The following GALNT18 variants were observed in gnomAD, a reference collection of about 807,000 sequenced individuals.
GALNT18 encodes the protein GalNAc-transferase 18.
Under a neutral mutation model 69.5 loss-of-function variants are expected in GALNT18, and 44 were observed. The ratio of observed to expected loss-of-function variants is 0.63; its 90% CI spans 0.50 to 0.81. The LOEUF (loss-of-function observed/expected upper bound fraction) is 0.81, where lower values mean the gene tolerates loss of function less well. GALNT18 is among the 40% of genes least tolerant of loss of function. The probability of loss-of-function intolerance (pLI) is 0.00; values close to 1 mark genes in which losing one functional copy is unlikely to be tolerated. For synonymous variants in GALNT18, 364 were observed against 318.2 expected, an observed-to-expected ratio of 1.14 and a Z score of -1.53; for missense variants, 715 against 810.0, an observed-to-expected ratio of 0.88 and a Z score of 1.42.
chr11:11,445,947 CA>C (rs752852499), intron 2 of GALNT18, among the ~76,000 whole-genome samples: 6 of 152,166 alleles, frequency 3.9e-5, no homozygotes, highest in Non-Finnish European at 7.3e-5. Context: ...CTCTCTCAGG[CA>C]AATTCCTCCC....
intron 1 of GALNT18, among the ~76,000 whole-genome samples, chr11:11,514,534 T>G (rs995305091): frequency 6.6e-6 from 1 of 152,188 alleles, no homozygotes; most frequent in African/African-American, 2.4e-5. Flanking sequence ...ATGTGAAATT[T>G]CACATTTCCC....
At position 11,606,490 on chromosome 11, in the gene GALNT18, A is replaced by T. The variant is rs1179024713; in HGVS notation, c.235+14869T>A. On this transcript the variant is annotated intron_variant, in intron 1 of 10. Transcript: ENST00000227756. The surrounding 1 kb of genome is among the most constrained non-coding windows in gnomAD (Gnocchi z 5.4). Reference sequence around the variant, plus strand: ...TTTTCTCTCTTTTTTCCTCTCCTTGACATAAAATATCTGCCCCTCCTCTAT... The same window carrying T: ...TTTTCTCTCTTTTTTCCTCTCCTTGTCATAAAATATCTGCCCCTCCTCTAT... 6.6e-6 allele frequency among the ~76,000 whole-genome samples: 1 copy of T among 152,152 alleles called. No homozygotes were observed. The highest frequency in any genetic ancestry group is 1.5e-5 in the Non-Finnish European group (1 of 68,022).
intron 1 of GALNT18, among the ~76,000 whole-genome samples, chr11:11,533,868 T>C (rs4243933): frequency 0.98 from 148,953 of 152,330 alleles, 72,888 homozygotes; most frequent in Non-Finnish European, 1. Context: ...TAAACAAAGG[T>C]GACGTGGCAT....
chr11:11,419,483 G>C (rs926849249), intron 3 of GALNT18, among the ~76,000 whole-genome samples: 2 of 150,914 alleles, frequency 1.3e-5, no homozygotes, highest in Non-Finnish European at 2.9e-5. Flanking sequence ...TGTAATCCCA[G>C]CTACTCAGGA....
intron 1 of GALNT18, among the ~76,000 whole-genome samples, chr11:11,490,437 C>A (rs947601659): frequency 6.6e-6 from 1 of 152,102 alleles, no homozygotes; most frequent in Admixed American, 6.5e-5. Context: ...AAGAAAATGC[C>A]TTACCTCCTA....
chr11:11,456,364 G>A (rs985201211), intron 1 of GALNT18, among the ~76,000 whole-genome samples: 1 of 152,184 alleles, frequency 6.6e-6, no homozygotes, highest in African/African-American at 2.4e-5. Context: ...TCTGACTTGA[G>A]GACTGGAGAT....
intron 3 of GALNT18, among the ~76,000 whole-genome samples, chr11:11,384,383 T>G (rs1029095758): frequency 6.6e-6 from 1 of 152,102 alleles, no homozygotes; most frequent in Non-Finnish European, 1.5e-5. Context: ...ACGCTAGCAT[T>G]TGGTGTCTGG....
chr11:11,406,646 G>A (rs1440699224), intron 3 of GALNT18, among the ~76,000 whole-genome samples: 1 of 152,226 alleles, frequency 6.6e-6, no homozygotes, highest in Admixed American at 6.5e-5. Flanking sequence ...GGGTTAAAAT[G>A]CCATACAAGT....
Position 11,421,231 on chromosome 11 carries a change from G to A in GALNT18, c.595+11390C>T, listed in dbSNP as rs1179945688. Among the ~76,000 whole-genome samples, 34 of 152,164 alleles carry A rather than the reference G, an allele frequency of 2.2e-4. No homozygotes were observed. The highest frequency in any genetic ancestry group is 2.2e-3 in the Admixed American group (34 of 15,280). ...CAGCATGTTGGGACCTCAGCAGAGAGGCCGGTGAGAGCAGAGAAGAGGCTG... is the reference window on the plus strand; with the variant it reads ...CAGCATGTTGGGACCTCAGCAGAGAAGCCGGTGAGAGCAGAGAAGAGGCTG... On this transcript the variant is annotated intron_variant, in intron 3 of 10. Coordinates refer to ENST00000227756, the MANE Select transcript of GALNT18 (RefSeq NM_198516.3). This position sits in a 1 kb window ranked among gnomAD's most constrained non-coding sequence, Gnocchi z 5.6.
intron 3 of GALNT18, among the ~76,000 whole-genome samples, chr11:11,398,598 A>T (rs566696961): frequency 6.6e-6 from 1 of 152,324 alleles, no homozygotes; most frequent in Non-Finnish European, 1.5e-5. Context: ...CTAAAAATGA[A>T]CACATACACA....
chr11:11,278,798 G>T (rs1797090610), intron 10 of GALNT18, among the ~76,000 whole-genome samples: 1 of 152,020 alleles, frequency 6.6e-6, no homozygotes, highest in Non-Finnish European at 1.5e-5. Flanking sequence ...ATGCAACAGG[G>T]TAACTATAAT....
At chr11:11,417,009 C>A (rs1356215737) in intron 3 of GALNT18, among the ~76,000 whole-genome samples, 1 of 152,202 alleles carries the variant, frequency 6.6e-6, no homozygotes, top group Non-Finnish European at 1.5e-5. Flanking sequence ...GCCTGGTCGG[C>A]TTTCTCAGGC....
Position 11,619,945 on chromosome 11 carries a change from T to G in GALNT18, c.235+1414A>C, listed in dbSNP as rs1860146417. ...TTTGAAGTCATTAGTCAGGAAGCAC[T>G]ATGGATGTGGATGCCTCTCCTGCAC... On this transcript the variant is annotated intron_variant, in intron 1 of 10. Coordinates refer to ENST00000227756, the MANE Select transcript of GALNT18 (RefSeq NM_198516.3). The surrounding 1 kb of genome is among the most constrained non-coding windows in gnomAD (Gnocchi z 4.9). Among the ~76,000 whole-genome samples the G allele has an allele frequency of 6.6e-6, 1 of 152,154 alleles. No homozygotes were observed. The highest frequency in any genetic ancestry group is 1.5e-5 in the Non-Finnish European group (1 of 68,028).
intron 7 of GALNT18, among the ~76,000 whole-genome samples, chr11:11,333,716 C>T (rs968417873): frequency 3.3e-5 from 5 of 152,032 alleles, no homozygotes; most frequent in East Asian, 1.9e-4. Flanking sequence ...TGAGCCACCA[C>T]GGTGCAGCAG....
chr11:11,414,979 G>A (rs1020705081), intron 3 of GALNT18, among the ~76,000 whole-genome samples: 4 of 152,168 alleles, frequency 2.6e-5, no homozygotes, highest in South Asian at 2.1e-4. Flanking sequence ...AGATTGACTC[G>A]TTGTTGGCAC....
rs1464048906 is a variant in GALNT18, at chr11:11,435,152, G to A, written c.429-2365C>T. Among the ~76,000 whole-genome samples the A allele has an allele frequency of 6.6e-6, 1 of 152,220 alleles. No individual in the cohort carries two copies. Among genetic ancestry groups the A allele is most frequent in the Non-Finnish European group, 1.5e-5 (1 of 68,038 alleles). ...CACCAGCAATGAAGACTTTGCTTCTGTATCTCTCTGCACTTCCCCACGGGG... is the reference window on the plus strand; with the variant it reads ...CACCAGCAATGAAGACTTTGCTTCTATATCTCTCTGCACTTCCCCACGGGG... On this transcript the variant is annotated intron_variant, in intron 2 of 10. Coordinates refer to ENST00000227756, the MANE Select transcript of GALNT18 (RefSeq NM_198516.3). The surrounding 1 kb of genome is among the most constrained non-coding windows in gnomAD (Gnocchi z 4.4).
chr11:11,291,070 TGAA>T (rs1158668488), intron 10 of GALNT18, among the ~76,000 whole-genome samples: 9 of 152,216 alleles, frequency 5.9e-5, no homozygotes, highest in Admixed American at 1.3e-4. Flanking sequence ...CCTCTCAACT[TGAA>T]GGAGGAAAGG....
At chr11:11,281,476 C>CTGGCTGCTCAGCTCATCCTTG (rs1417031386) in intron 10 of GALNT18, among the ~76,000 whole-genome samples, 1 of 152,212 alleles carries the variant, frequency 6.6e-6, no homozygotes, top group Middle Eastern at 3.2e-3. Flanking sequence ...GCTGAAGATT[C>CTGGCTGCTCAGCTCATCCTTG]TGGCTGCTCA....
Position 11,564,930 on chromosome 11 carries a change from T to C in GALNT18, c.235+56429A>G, listed in dbSNP as rs1858606027. ...ATCTCCCTCCCCACAGAATGCTTGC[T>C]CTATTGGACAGCCCTGATCTAGACC... is the stretch of plus-strand genomic sequence containing the variant. On this transcript the variant is annotated intron_variant, in intron 1 of 10. Coordinates refer to ENST00000227756, the MANE Select transcript of GALNT18 (RefSeq NM_198516.3). The surrounding 1 kb of genome is among the most constrained non-coding windows in gnomAD (Gnocchi z 4.3). Among the ~76,000 whole-genome samples the C allele has an allele frequency of 6.6e-6, 1 of 152,204 alleles. No individual in the cohort carries two copies. Among genetic ancestry groups the C allele is most frequent in the Non-Finnish European group, 1.5e-5 (1 of 68,042 alleles).
Sources: gnomAD v4.1 joint callset for allele counts (sites outside exome capture counted in the v4.1 genomes callset) on GRCh38, gnomAD v4.1.1 for gene constraint, Gnocchi (gnomAD v3.1) non-coding constraint, MANE v1.5 for transcripts, NCBI Gene and HGNC (gene_info 2026-07-23, HGNC 2026-07-21) for gene names.